The following ZNF644 variants were observed in gnomAD, a reference collection of about 807,000 sequenced individuals.
ZNF644 encodes zinc finger protein 644.
Under a neutral mutation model 108.0 loss-of-function variants are expected in ZNF644, and 20 were observed. The ratio of observed to expected loss-of-function variants is 0.19; its 90% CI spans 0.13 to 0.27. The LOEUF (loss-of-function observed/expected upper bound fraction) is 0.27, where lower values mean the gene tolerates loss of function less well. Ranked by LOEUF, ZNF644 falls within the 10% of genes least tolerant of loss-of-function variation. The pLI, the probability that ZNF644 is intolerant of heterozygous loss-of-function variation, is 1.00. For missense variants in ZNF644, 1,338 were observed against 1,548.9 expected (o/e 0.86, Z 2.29); for synonymous variants, 542 against 539.1 (o/e 1.01, Z -0.08).
intron 2 of ZNF644, among the ~76,000 whole-genome samples, chr1:90,966,638 T>C (rs1654924837): frequency 6.6e-6 from 1 of 150,838 alleles, no homozygotes; most frequent in South Asian, 2.1e-4. Context: ...TAGTTCCAGC[T>C]ACTTGGGAGG....
Position 90,917,279 on chromosome 1 carries a change from T to C in ZNF644, c.3792-289A>G, listed in dbSNP as rs1052830257. ...AAACAACAACTATTACTCCAAAATATGTCATTCTTTAGAAAAGACCCTTCC... is the reference window on the plus strand; with the variant it reads ...AAACAACAACTATTACTCCAAAATACGTCATTCTTTAGAAAAGACCCTTCC... On this transcript the variant is annotated intron_variant, in intron 5 of 5. Transcript: ENST00000337393. Among the ~76,000 whole-genome samples, 10 of 152,304 alleles carry C rather than the reference T, an allele frequency of 6.6e-5. No homozygotes were observed. The East Asian group carries it at 1.7e-3, about 26-fold the overall frequency.
At chr1:90,950,311 A>AGGGGAGGG (rs1652989749) in intron 2 of ZNF644, among the ~76,000 whole-genome samples, 1 of 8,754 alleles carries the variant, frequency 1.1e-4, no homozygotes, top group African/African-American at 4.4e-4. Flanking sequence ...GGAGGGGACA[A>AGGGGAGGG]AAGAAAAGAA....
chr1:90,949,150 G>A (rs970237309), intron 2 of ZNF644, among the ~76,000 whole-genome samples: 1 of 151,392 alleles, frequency 6.6e-6, no homozygotes, highest in African/African-American at 2.4e-5. Context: ...CCTCTCACCT[G>A]TATTATATAC....
At chr1:91,007,225 G>GTTTTTTTTT (rs35761791) in intron 1 of ZNF644, among the ~76,000 whole-genome samples, 5 of 55,996 alleles carry the variant, frequency 8.9e-5, no homozygotes, top group African/African-American at 2.3e-4. Flanking sequence ...CTCCCATTTT[G>GTTTTTTTTT]TTTTTTTTTT....
At chr1:91,021,682 C>T (rs1200087685) in intron 1 of ZNF644, 2 of 164,114 alleles carry the variant, frequency 1.2e-5, no homozygotes, top group South Asian at 2.1e-4. Context: ...CGGCGGCCGC[C>T]GCTCACCTCA....
At chr1:90,952,145 G>A (rs1382450121) in intron 2 of ZNF644, among the ~76,000 whole-genome samples, 1 of 152,120 alleles carries the variant, frequency 6.6e-6, no homozygotes, top group Non-Finnish European at 1.5e-5. Flanking sequence ...ACATTTATTT[G>A]AATTTTTAAA....
At chr1:90,969,835 C>G (rs540941075) in intron 2 of ZNF644, among the ~76,000 whole-genome samples, 2 of 152,242 alleles carry the variant, frequency 1.3e-5, no homozygotes, top group Non-Finnish European at 2.9e-5. Context: ...GTTTTCGCAT[C>G]CACTGGAGGT....
chr1:91,011,611 A>C (rs1223532083), intron 1 of ZNF644, among the ~76,000 whole-genome samples: 1 of 152,172 alleles, frequency 6.6e-6, no homozygotes, highest in Non-Finnish European at 1.5e-5. Context: ...TAAAAGTAAA[A>C]ATCATGATCA....
intron 5 of ZNF644, 57 bp downstream of exon 5, chr1:90,917,995 T>C (rs1044456016): frequency 5.0e-6 from 7 of 1,398,268 alleles, no homozygotes; most frequent in African/African-American, 4.2e-5. Flanking sequence ...AAATAGCTAA[T>C]ATGTTTCAAA....
intron 2 of ZNF644, among the ~76,000 whole-genome samples, chr1:90,957,246 T>C (rs1198524300): frequency 6.6e-6 from 1 of 152,128 alleles, no homozygotes; most frequent in African/African-American, 2.4e-5. Flanking sequence ...ATTCTCAAAT[T>C]CTTTCAGAAA....
intron 2 of ZNF644, among the ~76,000 whole-genome samples, chr1:90,979,068 C>A (rs1052460759): frequency 6.6e-6 from 1 of 152,062 alleles, no homozygotes; most frequent in African/African-American, 2.4e-5. Flanking sequence ...ATAAAAATCT[C>A]CAGATGATTA....
At chr1:90,982,618 TTC>T (rs773417838) in intron 1 of ZNF644, among the ~76,000 whole-genome samples, 2 of 152,108 alleles carry the variant, frequency 1.3e-5, no homozygotes, top group Non-Finnish European at 2.9e-5. Context: ...TTGAAACTAA[TTC>T]TTTTTTTTAA....
In ZNF644 at chr1:90,939,698, T is replaced by A; in HGVS notation, c.1656A>T (p.Val552=). The change falls in exon 3 of 6, where the codon GTA becomes GTT. Residue 552 remains valine (V), a synonymous_variant. Coordinates refer to ENST00000337393, the MANE Select transcript of ZNF644 (RefSeq NM_201269.3). ...TATCAGAAGTGACCATAGGGCATTT[T>A]ACCACTGCCCCATGTGCAATGCCTC... ...CHRGIAHGAV[V]KCPMVTSDIA... is the part of the protein sequence containing the mutation. 1 of 1,614,076 alleles carries A rather than the reference T, an allele frequency of 6.2e-7. No individual in the cohort carries two copies. Among genetic ancestry groups the A allele is most frequent in the Non-Finnish European group, 8.5e-7 (1 of 1,179,958 alleles).
intron 1 of ZNF644, among the ~76,000 whole-genome samples, chr1:90,988,944 T>C (rs1657374560): frequency 6.6e-6 from 1 of 151,846 alleles, no homozygotes. Flanking sequence ...AAAGAAAACA[T>C]AGGGGAAGGC....
intron 2 of ZNF644, among the ~76,000 whole-genome samples, chr1:90,966,463 C>T (rs775001266): frequency 2.0e-5 from 3 of 151,866 alleles, no homozygotes; most frequent in Non-Finnish European, 4.4e-5. Context: ...ATCTGGGGAA[C>T]AGGGGCCAGG....
At chr1:90,961,580 C>T (rs1159445664) in intron 2 of ZNF644, among the ~76,000 whole-genome samples, 1 of 152,056 alleles carries the variant, frequency 6.6e-6, no homozygotes, top group Non-Finnish European at 1.5e-5. Flanking sequence ...GTATAAGAAT[C>T]CAACTGTCTT....
chr1:90,956,916 A>G (rs1035141897), intron 2 of ZNF644, among the ~76,000 whole-genome samples: 1 of 152,224 alleles, frequency 6.6e-6, no homozygotes, highest in African/African-American at 2.4e-5. Flanking sequence ...AATTGACAAC[A>G]ACAACAAAAG....
intron 4 of ZNF644, among the ~76,000 whole-genome samples, chr1:90,921,126 G>C (rs1649380892): frequency 6.6e-6 from 1 of 152,060 alleles, no homozygotes; most frequent in African/African-American, 2.4e-5. Flanking sequence ...TGAAAAGGAT[G>C]AGGTAGAAAC....
chr1:91,015,451 T>C (rs1000400421), intron 1 of ZNF644, among the ~76,000 whole-genome samples: 1 of 152,168 alleles, frequency 6.6e-6, no homozygotes, highest in Non-Finnish European at 1.5e-5. Flanking sequence ...TATACGTACA[T>C]TACAAATACG....
Sources: gnomAD v4.1 joint callset for allele counts (sites outside exome capture counted in the v4.1 genomes callset) on GRCh38, gnomAD v4.1.1 for gene constraint, MANE v1.5 for transcripts, NCBI Gene and HGNC (gene_info 2026-07-23, HGNC 2026-07-21) for gene names.